PTPDC1: variants seen among roughly 807,000 people sequenced by gnomAD.
PTPDC1 encodes the protein protein tyrosine phosphatase domain-containing protein 1.
PTPDC1 carries 53 observed loss-of-function variants against 75.3 expected under a neutral mutation model. That is an observed-to-expected ratio of 0.70 (90% CI 0.56 to 0.88). The LOEUF (loss-of-function observed/expected upper bound fraction) is 0.88, where lower values mean the gene tolerates loss of function less well. PTPDC1 is among the 40% of genes least tolerant of loss of function. The pLI is 0.00. For synonymous variants in PTPDC1, 349 were observed against 366.2 expected, an observed-to-expected ratio of 0.95 and a Z score of 0.54; for missense variants, 925 against 998.6, an observed-to-expected ratio of 0.93 and a Z score of 0.99.
Position 94,098,072 on chromosome 9 carries a change from G to A in PTPDC1, c.1506G>A (p.Leu502=). ...AACCAGACTTACACAAGGAAGCCTT[G>A]GTTCGCAGCACACTTTCTTTCTGGA... The part of the protein sequence containing the change: ...SPEPDLHKEA[L]VRSTLSFWSQ... Residue 502 remains leucine (L), a synonymous_variant, in exon 6 of 9, where the codon TTG becomes TTA. Transcript: ENST00000620992. The A allele has an allele frequency of 1.2e-6, 2 of 1,614,202 alleles. No homozygotes were observed. Among genetic ancestry groups the A allele is most frequent in the Non-Finnish European group, 1.7e-6 (2 of 1,180,046 alleles).
intron 4 of PTPDC1, among the ~76,000 whole-genome samples, chr9:94,095,009 C>T (rs113970940): frequency 6.6e-5 from 10 of 152,362 alleles, no homozygotes; most frequent in African/African-American, 2.2e-4. Flanking sequence ...CCCGGTACCT[C>T]AGATGGAAAT....
chr9:94,088,337 G>A lies in PTPDC1; in HGVS notation c.616+74G>A, dbSNP rs576922678. ...GAGGCTTTTCTCTGCTGGGTTCTTA[G>A]ATTAAAAAGATGATGGAAATAAATA... On this transcript the variant is annotated intron_variant, in intron 4 of 8. Coordinates refer to ENST00000620992, the MANE Select transcript of PTPDC1 (RefSeq NM_001253829.2). 21 of 1,501,368 alleles carry A rather than the reference G, an allele frequency of 1.4e-5. No individual in the cohort carries two copies. The African/African-American group carries it at 2.3e-4, about 16-fold the overall frequency. 93.0% of individuals were successfully genotyped at this position (1,501,368 alleles called of 1,614,324 possible). A position where few individuals can be genotyped will look rare whatever the true frequency, so the allele number is the denominator to read the frequency against.
intron 1 of PTPDC1, among the ~76,000 whole-genome samples, chr9:94,055,649 A>G (rs1825909506): frequency 3.3e-5 from 5 of 152,172 alleles, no homozygotes. Flanking sequence ...AAAAGACAAA[A>G]CCATGGAGAC....
At chr9:94,094,734 G>A (rs879956840) in intron 4 of PTPDC1, among the ~76,000 whole-genome samples, 8 of 152,222 alleles carry the variant, frequency 5.3e-5, no homozygotes, top group East Asian at 1.9e-4. Context: ...GCGAGACTCC[G>A]TGGGCGTAGG....
At chr9:94,087,809 C>G in intron 2 of PTPDC1, 22 bp from the exon 3 acceptor site, 1 of 1,579,910 alleles carries the variant, frequency 6.3e-7, no homozygotes, top group Non-Finnish European at 8.7e-7. Context: ...CACATCTCAC[C>G]AGTCCCTCCA....
At chr9:94,057,884 C>A (rs568350745) in intron 1 of PTPDC1, among the ~76,000 whole-genome samples, 1 of 152,248 alleles carries the variant, frequency 6.6e-6, no homozygotes, top group East Asian at 1.9e-4. Flanking sequence ...ATTTTCACTT[C>A]CAACCAAGAT....
intron 1 of PTPDC1, chr9:94,031,251 A>G (rs1829720631): frequency 6.6e-6 from 1 of 152,102 alleles, no homozygotes; most frequent in Non-Finnish European, 1.5e-5. Context: ...TGAGCTTGAA[A>G]CTAAAGTTTA....
At chr9:94,067,399 A>AT (rs1554693498) in intron 2 of PTPDC1, among the ~76,000 whole-genome samples, 1,510 of 149,330 alleles carry the variant, frequency 0.01, 20 homozygotes, top group African/African-American at 0.03. Flanking sequence ...CAAAAAAAAA[A>AT]AATAATAATA....
rs571940522 is a variant in PTPDC1 at position 94,107,695 on chromosome 9, A to G, written c.2311-133A>G. 925 of 469,298 alleles carry G rather than the reference A, an allele frequency of 2.0e-3. 2 individuals are homozygous for G. The highest frequency in any genetic ancestry group is 3.0e-3 in the Non-Finnish European group (779 of 260,842). 29.1% of individuals were successfully genotyped at this position (469,298 alleles called of 1,614,324 possible). On this transcript the variant is annotated intron_variant, in intron 8 of 8. Transcript: ENST00000620992. ...TAGTCTTTCAAATAAAATGTGTGAA[A>G]TTTATTATGTGTATTTTATATAGAG...
chr9:94,090,705 C>T (rs1479320146), intron 4 of PTPDC1, among the ~76,000 whole-genome samples: 2 of 125,026 alleles, frequency 1.6e-5, no homozygotes, highest in East Asian at 2.2e-4. Context: ...ATTCTTCCTA[C>T]CCATGAGCAT....
chr9:94,044,630 T>G lies in PTPDC1; in HGVS notation c.-7+13503T>G, dbSNP rs1385338889. Among the ~76,000 whole-genome samples, 3 of 152,202 alleles carry G rather than the reference T, an allele frequency of 2.0e-5. No homozygotes were observed. The East Asian group carries it at 5.8e-4, about 29-fold the overall frequency. ...TGTGCGGGAGTTATTCAGTAGATTCTTTGGGGTTTTCTGCATCCATGGACA... is the reference window on the plus strand; with the variant it reads ...TGTGCGGGAGTTATTCAGTAGATTCGTTGGGGTTTTCTGCATCCATGGACA... On this transcript the variant is annotated intron_variant, in intron 1 of 9. Coordinates refer to the PTPDC1 transcript ENST00000375360.
chr9:94,100,968 C>T (rs1827815691), intron 6 of PTPDC1: 1 of 152,208 alleles, frequency 6.6e-6, no homozygotes, highest in Admixed American at 6.5e-5. Flanking sequence ...TTTCAGGACT[C>T]GGGGCTTATT....
At chr9:94,040,474 A>T (rs1256815070) in intron 1 of PTPDC1, among the ~76,000 whole-genome samples, 1 of 152,150 alleles carries the variant, frequency 6.6e-6, no homozygotes, top group Non-Finnish European at 1.5e-5. Flanking sequence ...TTCCAGATTA[A>T]TTTCCCCTGG....
chr9:94,094,279 T>G (rs1475381465), intron 4 of PTPDC1, among the ~76,000 whole-genome samples: 1 of 151,592 alleles, frequency 6.6e-6, no homozygotes, highest in Non-Finnish European at 1.5e-5. Context: ...TCCTTTCTGT[T>G]TGTTAGTTTT....
chr9:94,090,293 C>A, intron 4 of PTPDC1, among the ~76,000 whole-genome samples: 1 of 107,594 alleles, frequency 9.3e-6, no homozygotes, highest in South Asian at 2.8e-4. Context: ...CAGCTTTCTA[C>A]GTATGGCTAG....
chr9:94,097,695 A>G lies in PTPDC1; in HGVS notation c.1129A>G (p.Thr377Ala). The G allele has an allele frequency of 1.2e-6, 2 of 1,614,222 alleles. No individual in the cohort carries two copies. The highest frequency in any genetic ancestry group is 2.2e-5 in the South Asian group (2 of 91,086). The change falls in exon 6 of 9, where the codon ACA becomes GCA. Residue 377 changes from threonine to alanine, a missense_variant. Transcript: ENST00000620992. The part of the protein sequence containing the change: ...GPGLSAEIEK[T>A]MSEMVTMQLD... ...TGGTCTCTCTGCTGAAATAGAAAAG[A>G]CAATGTCTGAGATGGTCACCATGCA...
intron 2 of PTPDC1, among the ~76,000 whole-genome samples, chr9:94,065,412 C>T (rs997154059): frequency 3.3e-5 from 5 of 152,250 alleles, no homozygotes; most frequent in African/African-American, 1.2e-4. Flanking sequence ...CTTGGCAGTA[C>T]CACTTGCAGT....
rs548054529 is a variant in PTPDC1, at chr9:94,041,133, A to T, written c.-7+10006A>T. On this transcript the variant is annotated intron_variant, in intron 1 of 9. Coordinates refer to the PTPDC1 transcript ENST00000375360. ...TGCCTCCAACATAATCAGCCTTATC[A>T]TGCCAGGATGTACAAATCAACTGAC... Among the ~76,000 whole-genome samples the T allele has an allele frequency of 3.9e-5, 6 of 152,192 alleles. No homozygotes were observed. In the South Asian group the frequency reaches 1.2e-3, roughly 31 times the overall value.
chr9:94,043,651 G>A (rs1825501935), intron 1 of PTPDC1, among the ~76,000 whole-genome samples: 1 of 152,128 alleles, frequency 6.6e-6, no homozygotes, highest in South Asian at 2.1e-4. Flanking sequence ...AGCCCACGAG[G>A]TCAAGGCTGC....
Sources: allele counts gnomAD v4.1 joint callset (sites outside exome capture counted in the v4.1 genomes callset), GRCh38; gene constraint gnomAD v4.1.1; transcripts MANE v1.5; gene names NCBI Gene and HGNC (gene_info 2026-07-23, HGNC 2026-07-21).